SAG: variants seen among roughly 807,000 people sequenced by gnomAD.
SAG encodes S-arrestin.
Under a neutral mutation model 55.0 loss-of-function variants are expected in SAG, and 45 were observed. That is an observed-to-expected ratio of 0.82 (90% CI 0.64 to 1.05). SAG has a LOEUF of 1.05. SAG is among the 50% of genes least tolerant of loss of function. The pLI is 0.00. For synonymous variants in SAG, 189 were observed against 197.4 expected, an observed-to-expected ratio of 0.96 and a Z score of 0.36; for missense variants, 455 against 512.1, an observed-to-expected ratio of 0.89 and a Z score of 1.08.
At chr2:233,346,060 C>T (rs1204631805) in intron 14 of SAG, 5 of 156,644 alleles carry the variant, frequency 3.2e-5, no homozygotes, top group African/African-American at 4.8e-5. Context: ...GCCTGAGACA[C>T]GAGAAACTCT....
chr2:233,309,140 A>C, intron 1 of SAG, 22 bp from the exon 2 acceptor site: 5 of 1,475,880 alleles, frequency 3.4e-6, no homozygotes, highest in Non-Finnish European at 4.7e-6. Context: ...CCAACCCTCT[A>C]ACACCTGACC....
At chr2:233,330,533 C>T (rs1289114733) in intron 9 of SAG, among the ~76,000 whole-genome samples, 3 of 149,990 alleles carry the variant, frequency 2.0e-5, no homozygotes, top group Middle Eastern at 3.4e-3. Flanking sequence ...TCCTTCCTTC[C>T]TTCCTTCCTC....
intron 13 of SAG, among the ~76,000 whole-genome samples, chr2:233,341,292 C>A (rs771239499): frequency 2.0e-5 from 3 of 152,136 alleles, no homozygotes; most frequent in African/African-American, 7.2e-5. Context: ...TACAGGTGCA[C>A]GCCACTATGC....
In SAG at chr2:233,316,073, A is replaced by T; in HGVS notation, c.76-2A>T. ...TTAGACCCACACCTGTTCTTCTTGC[A>T]GGTGACCATCTACCTGGGGAACAGA... On this transcript the variant is annotated splice_acceptor_variant, in intron 2 of 15. Transcript: ENST00000409110. LOFTEE classifies it high-confidence loss of function. The T allele has an allele frequency of 6.3e-7, 1 of 1,578,208 alleles. No homozygotes were observed.
chr2:233,325,958 A>G (rs1700540494), intron 6 of SAG, among the ~76,000 whole-genome samples: 1 of 152,232 alleles, frequency 6.6e-6, no homozygotes, highest in African/African-American at 2.4e-5. Flanking sequence ...TAGGACTGCT[A>G]TGATTCCCTG....
intron 8 of SAG, chr2:233,328,953 C>T (rs1700659778): frequency 3.7e-6 from 1 of 269,430 alleles, no homozygotes; most frequent in East Asian, 8.0e-5. Context: ...GCATCAATAG[C>T]TGTGGTATCC....
rs1559436237 is a variant in SAG at position 233,319,152 on chromosome 2, G to A, written c.181+357G>A. 2.3e-6 allele frequency: 1 copy of A among 438,480 alleles called. No individual in the cohort carries two copies. Among genetic ancestry groups the A allele is most frequent in the Non-Finnish European group, 4.4e-6 (1 of 228,170 alleles). The allele number at this position is 438,480 out of a possible 1,614,324, so 27.2% of individuals were successfully genotyped here. ...GGTGCCTGGGGTGCCTAGGACTCAG[G>A]AGGACACAAGACCTTGAATGAATGA... On this transcript the variant is annotated intron_variant, in intron 4 of 15. Coordinates refer to ENST00000409110, the MANE Select transcript of SAG (RefSeq NM_000541.5). This position sits in a 1 kb window ranked among gnomAD's most constrained non-coding sequence, Gnocchi z 4.4.
intron 1 of SAG, 152 bp from the exon 2 acceptor site, chr2:233,309,010 C>T (rs1473781680): frequency 3.7e-6 from 2 of 546,700 alleles, no homozygotes; most frequent in East Asian, 5.9e-5. Context: ...CAAAGACTCA[C>T]CGATGAAACT....
chr2:233,312,726 C>A (rs749090328), intron 2 of SAG, among the ~76,000 whole-genome samples: 5 of 152,304 alleles, frequency 3.3e-5, no homozygotes, highest in Non-Finnish European at 5.9e-5. Flanking sequence ...GCTTCGTATA[C>A]ATTTTGCTCA....
At chr2:233,339,249 G>T (rs1449074671) in intron 12 of SAG, among the ~76,000 whole-genome samples, 1 of 152,176 alleles carries the variant, frequency 6.6e-6, no homozygotes, top group Non-Finnish European at 1.5e-5. Context: ...AAGGGAACAG[G>T]TTTCCACTTT....
In SAG at chr2:233,309,256, G is replaced by T. The variant is rs1700012604; in HGVS notation, c.67G>T (p.Asp23Tyr). The T allele has an allele frequency of 3.1e-6, 5 of 1,613,302 alleles. No homozygotes were observed. The highest frequency in any genetic ancestry group is 4.2e-6 in the Non-Finnish European group (5 of 1,179,474). The change falls in exon 2 of 16, where the codon GAC becomes TAC. Residue 23 changes from aspartate to tyrosine, a missense_variant. By Grantham distance (160) the Asp-to-Tyr change is radical. Transcript: ENST00000409110. ...TGTTATCTTCAAGAAGATCTCCCGG[G>T]ACAAATCGGTGAGTGGTGCACAAGT... is the stretch of plus-strand genomic sequence containing the variant. The part of the protein sequence containing the change: ...NHVIFKKISR[D>Y]KSVTIYLGNR...
intron 2 of SAG, among the ~76,000 whole-genome samples, chr2:233,315,130 A>C (rs1419708012): frequency 6.6e-6 from 1 of 152,162 alleles, no homozygotes; most frequent in Admixed American, 6.5e-5. Context: ...GGGGCAGGAC[A>C]GGGCCAGGGC....
chr2:233,315,281 C>CTTT lies in SAG; in HGVS notation c.76-767_76-765dup, dbSNP rs5839476. Among the ~76,000 whole-genome samples, 319 of 69,384 alleles carry CTTT rather than the reference C, an allele frequency of 4.6e-3. 35 individuals are homozygous for CTTT. The highest frequency in any genetic ancestry group is 0.013 in the African/African-American group (272 of 21,754). 45.5% of individuals were successfully genotyped at this position (69,384 alleles called of 152,430 possible). On this transcript the variant is annotated intron_variant, in intron 2 of 15. Transcript: ENST00000409110. ...CACCTCTTTGCGTTGTCCAGAAGTT[C>CTTT]TTTTTTTTTTTTTTTTTTTTTTTTT...
At chr2:233,338,982 T>A in intron 12 of SAG, 1 of 621,858 alleles carries the variant, frequency 1.6e-6, no homozygotes, top group Non-Finnish European at 3.0e-6. Context: ...ATGTGTGCAT[T>A]CTTAGCGCCA....
At chr2:233,320,548 C>A (rs958062689) in intron 4 of SAG, 82 bp from the exon 5 acceptor site, 2 of 1,121,088 alleles carry the variant, frequency 1.8e-6, no homozygotes, top group African/African-American at 3.2e-5. Flanking sequence ...GGTTGAAAAC[C>A]CGTGTTCGCT....
intron 6 of SAG, among the ~76,000 whole-genome samples, chr2:233,325,224 A>C (rs1382354758): frequency 6.8e-6 from 1 of 147,664 alleles, no homozygotes; most frequent in Non-Finnish European, 1.5e-5. Context: ...AAAAAAAATT[A>C]GCTGGGCATG....
intron 2 of SAG, among the ~76,000 whole-genome samples, chr2:233,314,221 C>CAAAAA (rs59624953): frequency 4.3e-4 from 58 of 133,650 alleles, no homozygotes; most frequent in African/African-American, 1.4e-3. Context: ...GACCTTGTCT[C>CAAAAA]AAAAAAAAAA....
chr2:233,335,575 G>GTTTA (rs1700899445), intron 11 of SAG, among the ~76,000 whole-genome samples: 1 of 151,388 alleles, frequency 6.6e-6, no homozygotes, highest in Non-Finnish European at 1.5e-5. Context: ...TCTTGGCTGT[G>GTTTA]TTCATTCATT....
intron 2 of SAG, among the ~76,000 whole-genome samples, chr2:233,310,318 A>G (rs1399129853): frequency 4.6e-5 from 7 of 152,192 alleles, no homozygotes; most frequent in African/African-American, 1.7e-4. Context: ...GTTATATTTT[A>G]TTTCAGCCCA....
Sources: gnomAD v4.1 joint callset for allele counts (sites outside exome capture counted in the v4.1 genomes callset) on GRCh38, gnomAD v4.1.1 for gene constraint, Gnocchi (gnomAD v3.1) non-coding constraint, MANE v1.5 for transcripts, NCBI Gene and HGNC (gene_info 2026-07-23, HGNC 2026-07-21) for gene names.